VAC14: variants seen among roughly 807,000 people sequenced by gnomAD.
VAC14 encodes the protein protein VAC14 homolog.
Under a neutral mutation model 85.3 loss-of-function variants are expected in VAC14, and 47 were observed. The ratio of observed to expected loss-of-function variants is 0.55; its 90% CI spans 0.44 to 0.70. The LOEUF (loss-of-function observed/expected upper bound fraction) is 0.70, where lower values mean the gene tolerates loss of function less well. Among genes scored for constraint, VAC14 ranks in the 30% least tolerant of loss-of-function variants. The pLI is 0.00. For synonymous variants in VAC14, 447 were observed against 430.5 expected (o/e 1.04, Z -0.47); for missense variants, 861 against 1,004.3 (o/e 0.86, Z 1.93).
In VAC14 at chr16:70,738,702, T is replaced by C. The variant is rs373918740; in HGVS notation, c.1528+5721A>G. ...TGCCGGGGGCCTCAGGCTCAGGTGATTGGTGCCCCTGCCTTCCATTATTTT... is the reference window on the plus strand; with the variant it reads ...TGCCGGGGGCCTCAGGCTCAGGTGACTGGTGCCCCTGCCTTCCATTATTTT... On this transcript the variant is annotated intron_variant, in intron 13 of 18. Transcript: ENST00000261776. Among the ~76,000 whole-genome samples the C allele has an allele frequency of 1.2e-4, 19 of 152,314 alleles. No individual in the cohort carries two copies. In the East Asian group the frequency reaches 2.1e-3, roughly 17 times the overall value.
At chr16:70,795,479 G>C (rs931557108) in intron 1 of VAC14, among the ~76,000 whole-genome samples, 6 of 138,634 alleles carry the variant, frequency 4.3e-5, no homozygotes, top group Non-Finnish European at 9.1e-5. Flanking sequence ...CTGGGCGACA[G>C]AGCGAGACTC....
intron 13 of VAC14, among the ~76,000 whole-genome samples, chr16:70,735,716 A>G (rs1309972553): frequency 1.3e-5 from 2 of 152,258 alleles, no homozygotes; most frequent in East Asian, 1.9e-4. Context: ...GAGCGGCATG[A>G]AGGAGCCCTG....
intron 9 of VAC14, 47 bp from the exon 10 acceptor site, chr16:70,772,219 C>G (rs2033273716): frequency 6.5e-7 from 1 of 1,528,584 alleles, no homozygotes; most frequent in Non-Finnish European, 9.1e-7. Flanking sequence ...TGTTGGCTCT[C>G]TTGAATAAAC....
At chr16:70,774,398 C>A (rs2143187972) in intron 9 of VAC14, among the ~76,000 whole-genome samples, 1 of 152,264 alleles carries the variant, frequency 6.6e-6, no homozygotes, top group East Asian at 1.9e-4. Context: ...CCTCAGTGCA[C>A]CCTATCGGGG....
rs2053621629 is a variant in VAC14, at chr16:70,692,698, A to T, written c.2186+123T>A. ...GGGGGGATGGTGGTCACAGTGACAAAAGGGGTGGGATGCTGAAGTGAGGGA... is the reference window on the plus strand; with the variant it reads ...GGGGGGATGGTGGTCACAGTGACAATAGGGGTGGGATGCTGAAGTGAGGGA... On this transcript the variant is annotated intron_variant, in intron 18 of 18. Transcript: ENST00000261776. 17 of 1,359,976 alleles carry T rather than the reference A, an allele frequency of 1.3e-5. No homozygotes were observed. The South Asian group carries it at 2.2e-4, about 18-fold the overall frequency. The allele number at this position is 1,359,976 out of a possible 1,614,324, so 84.2% of individuals were successfully genotyped here.
chr16:70,780,724 C>T, intron 9 of VAC14, 66 bp downstream of exon 9: 3 of 1,512,144 alleles, frequency 2.0e-6, no homozygotes, highest in Non-Finnish European at 2.6e-6. Flanking sequence ...CCCAAGGCAA[C>T]TCCTATGACA....
intron 1 of VAC14, among the ~76,000 whole-genome samples, chr16:70,795,801 C>T (rs1381280457): frequency 6.6e-6 from 1 of 152,172 alleles, no homozygotes; most frequent in African/African-American, 2.4e-5. Flanking sequence ...AGATCAGGTG[C>T]GTTCAGGGAG....
intron 14 of VAC14, among the ~76,000 whole-genome samples, chr16:70,713,585 A>G (rs1193084331): frequency 1.3e-5 from 2 of 152,156 alleles, no homozygotes; most frequent in Non-Finnish European, 2.9e-5. Context: ...AATCTTAGGG[A>G]GGCACCTTCC....
chr16:70,781,819 TA>T (rs1396288952), intron 8 of VAC14, 49 bp downstream of exon 8: 9 of 1,601,106 alleles, frequency 5.6e-6, no homozygotes, highest in African/African-American at 1.3e-5. Context: ...CTCAACTTCA[TA>T]ATCCCTTTGG....
chr16:70,792,765 A>T (rs998670772), intron 1 of VAC14, among the ~76,000 whole-genome samples: 4 of 152,124 alleles, frequency 2.6e-5, no homozygotes, highest in Admixed American at 2.0e-4. Context: ...CCTTAGCTTA[A>T]CTCTGTACCA....
At chr16:70,761,002 TGTGTGTGTGTGTGTGTGCATGGGG>T (rs2032302435) in intron 12 of VAC14, among the ~76,000 whole-genome samples, 1 of 115,172 alleles carries the variant, frequency 8.7e-6, no homozygotes, top group Admixed American at 8.5e-5. Flanking sequence ...TGTGTGTGTG[TGTGTGTGTGTGTGTGTGCATGGGG>T]GGGCGGGGGG....
At chr16:70,789,561 G>A (rs966109294) in intron 1 of VAC14, among the ~76,000 whole-genome samples, 5 of 152,236 alleles carry the variant, frequency 3.3e-5, no homozygotes, top group Admixed American at 2.0e-4. Flanking sequence ...GCCCGGGTTC[G>A]ATTCCCGGCC....
intron 1 of VAC14, among the ~76,000 whole-genome samples, chr16:70,786,996 G>T (rs1302530210): frequency 6.6e-6 from 1 of 152,234 alleles, no homozygotes; most frequent in Non-Finnish European, 1.5e-5. Context: ...ATAGGGAAGA[G>T]CCTGGCCAAG....
At position 70,767,438 on chromosome 16, in the gene VAC14, TG is replaced by T. The variant is rs554121839; in HGVS notation, c.1161-4414del. Among the ~76,000 whole-genome samples, 293 of 152,354 alleles carry T rather than the reference TG, an allele frequency of 1.9e-3. 2 individuals are homozygous for T. Among genetic ancestry groups the T allele is most frequent in the African/African-American group, 6.0e-3 (251 of 41,592 alleles). On this transcript the variant is annotated intron_variant, in intron 10 of 18. Transcript: ENST00000261776. ...TTTTCAATCAGCAGAGGCTACAAGC[TG>T]GGAAATACTGATTTCTAGAACTTTC...
intron 13 of VAC14, among the ~76,000 whole-genome samples, chr16:70,740,823 T>A (rs532305488): frequency 6.6e-6 from 1 of 152,298 alleles, no homozygotes; most frequent in Admixed American, 6.5e-5. Flanking sequence ...GCCTCTGCCT[T>A]CACCGCTCTG....
At chr16:70,792,803 T>C (rs1446949524) in intron 1 of VAC14, among the ~76,000 whole-genome samples, 1 of 152,202 alleles carries the variant, frequency 6.6e-6, no homozygotes, top group East Asian at 1.9e-4. Context: ...CAAGAGACTG[T>C]CACAGGTCAC....
chr16:70,717,197 C>T (rs376822840), intron 14 of VAC14, among the ~76,000 whole-genome samples: 1 of 152,250 alleles, frequency 6.6e-6, no homozygotes, highest in South Asian at 2.1e-4. Context: ...CGCACTCTGG[C>T]CACACTGATG....
At chr16:70,743,392 G>A (rs950434287) in intron 13 of VAC14, among the ~76,000 whole-genome samples, 5 of 152,194 alleles carry the variant, frequency 3.3e-5, no homozygotes, top group African/African-American at 4.8e-5. Context: ...CAACCCTCTC[G>A]GGTCCCCTTC....
intron 16 of VAC14, 26 bp from the exon 17 acceptor site, chr16:70,695,649 G>T: frequency 6.2e-7 from 1 of 1,608,574 alleles, no homozygotes; most frequent in Non-Finnish European, 8.5e-7. Flanking sequence ...AGGAAAGTCT[G>T]TCTGCTGGGC....
Sources: allele counts gnomAD v4.1 joint callset (sites outside exome capture counted in the v4.1 genomes callset), GRCh38; gene constraint gnomAD v4.1.1; transcripts MANE v1.5; gene names NCBI Gene and HGNC (gene_info 2026-07-23, HGNC 2026-07-21).